CACNB4: variants seen among roughly 807,000 people sequenced by gnomAD.
CACNB4 encodes the protein voltage-dependent L-type calcium channel subunit beta-4.
Under a neutral mutation model 71.2 loss-of-function variants are expected in CACNB4, and 32 were observed. That is an observed-to-expected ratio of 0.45 (90% CI 0.34 to 0.60). The LOEUF is 0.60. Among genes scored for constraint, CACNB4 ranks in the 20% least tolerant of loss-of-function variants. CACNB4 has a pLI of 0.01. For missense variants in CACNB4, 464 were observed against 647.9 expected, an observed-to-expected ratio of 0.72 and a Z score of 3.08; for synonymous variants, 231 against 236.9, an observed-to-expected ratio of 0.97 and a Z score of 0.23.
At chr2:151,953,210 G>T (rs143988924) in intron 2 of CACNB4, among the ~76,000 whole-genome samples, 6 of 152,316 alleles carry the variant, frequency 3.9e-5, no homozygotes, top group African/African-American at 1.4e-4. Context: ...ATGTTCTCAG[G>T]ATTCTGCCAG....
intron 2 of CACNB4, among the ~76,000 whole-genome samples, chr2:152,029,009 T>C (rs1303434871): frequency 6.6e-6 from 1 of 151,810 alleles, no homozygotes; most frequent in Non-Finnish European, 1.5e-5. Context: ...GAAGATAGAG[T>C]GTGTTGGTGA....
intron 2 of CACNB4, among the ~76,000 whole-genome samples, chr2:152,020,330 C>T (rs943653394): frequency 1.1e-4 from 16 of 152,196 alleles, no homozygotes; most frequent in Non-Finnish European, 2.1e-4. Context: ...CCATTAATGG[C>T]TCCTGGGTGA....
intron 2 of CACNB4, among the ~76,000 whole-genome samples, chr2:152,045,422 A>C (rs895202524): frequency 6.6e-6 from 1 of 152,224 alleles, no homozygotes; most frequent in African/African-American, 2.4e-5. Context: ...AAGCAGTCAC[A>C]AAAGGACAAA....
chr2:152,003,519 G>A (rs368504879), intron 2 of CACNB4, among the ~76,000 whole-genome samples: 18 of 151,658 alleles, frequency 1.2e-4, no homozygotes, highest in East Asian at 5.8e-4. Context: ...CTCTTGATGC[G>A]CTTATTATAT....
rs1383739589 is a variant in CACNB4, at chr2:151,940,875, C to T, written c.148-57505G>A. ...TGTCCAAATAGACTAGGAAAACAGC[C>T]GAAACAGAGTATCTCTTGTCCAACT... On this transcript the variant is annotated intron_variant, in intron 2 of 13. Transcript: ENST00000539935. Among the ~76,000 whole-genome samples, 4 of 152,090 alleles carry T rather than the reference C, an allele frequency of 2.6e-5. No homozygotes were observed. The South Asian group carries it at 6.2e-4, about 24-fold the overall frequency.
intron 2 of CACNB4, among the ~76,000 whole-genome samples, chr2:151,983,815 T>C (rs1361758833): frequency 6.6e-6 from 1 of 152,002 alleles, no homozygotes; most frequent in African/African-American, 2.4e-5. Flanking sequence ...AAGATCCAAA[T>C]AAATCTTTCG....
At chr2:151,857,588 T>C (rs139207524) in intron 10 of CACNB4, 59 of 152,368 alleles carry the variant, frequency 3.9e-4, no homozygotes, top group African/African-American at 1.3e-3. Flanking sequence ...TGTCAGGGTA[T>C]GTTTCCCATT....
At chr2:152,061,016 A>C (rs1685982332) in intron 2 of CACNB4, among the ~76,000 whole-genome samples, 1 of 152,222 alleles carries the variant, frequency 6.6e-6, no homozygotes, top group East Asian at 1.9e-4. Context: ...AATCAAAAAT[A>C]TTTAAAACTG....
At chr2:152,092,007 T>C (rs1687999033) in intron 2 of CACNB4, among the ~76,000 whole-genome samples, 1 of 152,262 alleles carries the variant, frequency 6.6e-6, no homozygotes, top group Admixed American at 6.5e-5. Context: ...TCCTTGCATG[T>C]ATCCACACCT....
chr2:152,057,206 C>T (rs796219352), intron 2 of CACNB4, among the ~76,000 whole-genome samples: 42 of 152,292 alleles, frequency 2.8e-4, no homozygotes, highest in African/African-American at 9.4e-4. Flanking sequence ...CTCAGTCCAA[C>T]ACACCTTAAG....
intron 2 of CACNB4, among the ~76,000 whole-genome samples, chr2:151,998,633 G>A (rs946256140): frequency 1.2e-4 from 18 of 152,170 alleles, no homozygotes; most frequent in Admixed American, 9.8e-4. Context: ...CTTCCTCTCA[G>A]TATTCTGTCT....
At chr2:151,952,446 GTCTCC>G (rs1389163746) in intron 2 of CACNB4, among the ~76,000 whole-genome samples, 1 of 152,160 alleles carries the variant, frequency 6.6e-6, no homozygotes, top group Non-Finnish European at 1.5e-5. Flanking sequence ...CTTACTGGGG[GTCTCC>G]TCTTTCTCTG....
rs58646253 is a variant in CACNB4 at position 151,928,917 on chromosome 2, G to GAA, written c.148-45549_148-45548dup. On this transcript the variant is annotated intron_variant, in intron 2 of 13. Coordinates refer to ENST00000539935, the MANE Select transcript of CACNB4 (RefSeq NM_000726.5). ...ACAGAGTGAGACCCTGTCTCAAAAA[G>GAA]AAAAAAAAAAAAAACATAATGCAAA... is the stretch of plus-strand genomic sequence containing the variant. Among the ~76,000 whole-genome samples the GAA allele has an allele frequency of 1.6e-3, 215 of 136,692 alleles. 1 individual carries two copies. Among genetic ancestry groups the GAA allele is most frequent in the East Asian group, 5.2e-3 (25 of 4,780 alleles). 89.7% of individuals were successfully genotyped at this position (136,692 alleles called of 152,430 possible).
At chr2:152,059,815 C>A (rs957005600) in intron 2 of CACNB4, among the ~76,000 whole-genome samples, 2 of 152,190 alleles carry the variant, frequency 1.3e-5, no homozygotes, top group African/African-American at 4.8e-5. Context: ...CTACCCAAAT[C>A]TCATTTTGAA....
intron 3 of CACNB4, 121 bp from the exon 4 acceptor site, chr2:151,881,043 GT>G: frequency 1.0e-6 from 1 of 980,968 alleles, no homozygotes; most frequent in Non-Finnish European, 1.5e-6. Context: ...TCTCAAATGA[GT>G]TTTACATTCT....
chr2:151,856,088 A>T (rs1293457057), intron 10 of CACNB4, among the ~76,000 whole-genome samples: 1 of 151,668 alleles, frequency 6.6e-6, no homozygotes, highest in Non-Finnish European at 1.5e-5. Flanking sequence ...CAAGTGACCC[A>T]AATCTGTGCA....
Position 151,869,996 on chromosome 2 carries a change from T to C in CACNB4, c.699+535A>G. 4 of 533,800 alleles carry C rather than the reference T, an allele frequency of 7.5e-6. No homozygotes were observed. In the South Asian group the frequency reaches 8.5e-5, roughly 11 times the overall value. 33.1% of individuals were successfully genotyped at this position (533,800 alleles called of 1,614,324 possible). On this transcript the variant is annotated intron_variant, in intron 8 of 13. Transcript: ENST00000539935. ...AGTCTCTACTCTTTTCCTTGTCACA[T>C]GGTTTTGTTTAATCTCCAAAGTTCA...
intron 2 of CACNB4, among the ~76,000 whole-genome samples, chr2:152,014,336 G>T: frequency 6.8e-6 from 1 of 148,132 alleles, no homozygotes; most frequent in Non-Finnish European, 1.5e-5. Flanking sequence ...GACAAAGTGA[G>T]ACTCCATCTC....
intron 2 of CACNB4, among the ~76,000 whole-genome samples, chr2:152,039,948 A>G (rs1255591624): frequency 6.6e-6 from 1 of 152,258 alleles, no homozygotes; most frequent in Non-Finnish European, 1.5e-5. Flanking sequence ...TAATTTGTTG[A>G]CAAAGATTAA....
Sources: allele counts gnomAD v4.1 joint callset (sites outside exome capture counted in the v4.1 genomes callset), GRCh38; gene constraint gnomAD v4.1.1; transcripts MANE v1.5; gene names NCBI Gene and HGNC (gene_info 2026-07-23, HGNC 2026-07-21).